ILDR1: variants seen among roughly 807,000 people sequenced by gnomAD.
The protein encoded by ILDR1 is immunoglobulin-like domain-containing receptor 1.
ILDR1 carries 56 observed loss-of-function variants against 62.4 expected under a neutral mutation model. The observed-to-expected ratio is 0.90, with a 90% CI of 0.72 to 1.12. ILDR1 has a LOEUF of 1.12. ILDR1 is among the 50% of genes most tolerant of loss of function. The probability of loss-of-function intolerance (pLI) is 0.00; values close to 1 mark genes in which losing one functional copy is unlikely to be tolerated. For missense variants in ILDR1, 736 were observed against 710.6 expected (o/e 1.04, Z -0.41); for synonymous variants, 284 against 277.8 (o/e 1.02, Z -0.22).
At chr3:122,052,590 T>C in the ILDR1 span, among the ~76,000 whole-genome samples, 2 of 152,192 alleles carry the variant, frequency 1.3e-5, no homozygotes, top group Admixed American at 6.5e-5. Flanking sequence ...TGTTGTTGTT[T>C]TGAGACGGAG....
Position 121,994,318 on chromosome 3 carries a change from A to T in ILDR1, c.647-5T>A, listed in dbSNP as rs1304381655. 6.5e-7 allele frequency: 1 copy of T among 1,530,274 alleles called. No homozygotes were observed. The highest frequency in any genetic ancestry group is 2.5e-5 in the East Asian group (1 of 40,760). The allele number at this position is 1,530,274 out of a possible 1,614,324, so 94.8% of individuals were successfully genotyped here. A position where few individuals can be genotyped will look rare whatever the true frequency, so the allele number is the denominator to read the frequency against. On this transcript the variant is annotated splice_polypyrimidine_tract_variant and splice_region_variant and intron_variant, in intron 5 of 7. Coordinates refer to ENST00000344209, the MANE Select transcript of ILDR1 (RefSeq NM_001199799.2). ...TGTAGCGGTGGCGGGCCAGGGCTGC[A>T]GGGAAAGAAGGAGAAATGCAGGCCC...
Position 122,022,050 on chromosome 3 carries a change from A to T in ILDR1, c.28T>A (p.Trp10Arg). The T allele has an allele frequency of 1.2e-6, 2 of 1,611,588 alleles. No homozygotes were observed. The highest frequency in any genetic ancestry group is 2.2e-5 in the East Asian group (1 of 44,814). ...GGGAGCCAGGTGCAGAGCAGCAGCC[A>T]AGGTGCGGGCAGTTTGGGCCATGCC... Reference protein sequence around the residue: MAWPKLPAPWLLLCTWLPAG... With the variant: MAWPKLPAPRLLLCTWLPAG... Residue 10 changes from tryptophan to arginine, a missense_variant, in exon 1 of 8, where the codon TGG (tryptophan) becomes AGG (arginine). Transcript: ENST00000344209.
At chr3:122,022,320 C>CA (rs1342367027), upstream of ILDR1, 6 of 425,362 alleles carry the variant, frequency 1.4e-5, no homozygotes, top group African/African-American at 1.3e-4. Context: ...CTGCTCCGCC[C>CA]CCGCCTCCCG....
chr3:121,990,106 T>A (rs1343636235), intron 7 of ILDR1, among the ~76,000 whole-genome samples: 1 of 152,120 alleles, frequency 6.6e-6, no homozygotes, highest in East Asian at 1.9e-4. Context: ...AGAGGCCCAA[T>A]TGTATTAGGA....
At chr3:122,012,485 T>G (rs2071718709) in intron 1 of ILDR1, among the ~76,000 whole-genome samples, 1 of 152,196 alleles carries the variant, frequency 6.6e-6, no homozygotes, top group South Asian at 2.1e-4. Context: ...AACAGCTGAA[T>G]GGTAATGTAA....
At chr3:122,015,503 G>C (rs1576735042) in intron 1 of ILDR1, among the ~76,000 whole-genome samples, 2 of 152,056 alleles carry the variant, frequency 1.3e-5, no homozygotes, top group African/African-American at 4.8e-5. Context: ...TGAATCTTGG[G>C]GTGGTTTCCC....
Position 122,001,434 on chromosome 3 carries a change from TGAA to T in ILDR1, c.517_519del (p.Phe173del), listed in dbSNP as rs765141910. The T allele has an allele frequency of 1.2e-6, 2 of 1,614,064 alleles. No homozygotes were observed. The highest frequency in any genetic ancestry group is 1.1e-5 in the South Asian group (1 of 91,080). ...AGGAGGAGGAGGGCTCCCAGGATGA[TGAA>T]GATCACTGTCAGCCAGTCTGCAGGG... On this transcript the variant is annotated inframe_deletion, in exon 5 of 8. Transcript: ENST00000344209.
the ILDR1 span, among the ~76,000 whole-genome samples, chr3:122,040,653 A>G: frequency 6.6e-6 from 1 of 151,486 alleles, no homozygotes; most frequent in African/African-American, 2.4e-5. Flanking sequence ...TTGACAAAGG[A>G]GCAAATGGTA....
the ILDR1 span, among the ~76,000 whole-genome samples, chr3:122,039,613 A>G: frequency 6.6e-6 from 1 of 152,112 alleles, no homozygotes; most frequent in Non-Finnish European, 1.5e-5. Context: ...GCCAGCAGAC[A>G]TACACTGCAA....
chr3:122,061,132 G>C, the ILDR1 span, among the ~76,000 whole-genome samples: 8 of 152,172 alleles, frequency 5.3e-5, no homozygotes, highest in African/African-American at 1.4e-4. Context: ...ATTTGGTTAA[G>C]TGAACCAATT....
chr3:122,041,468 G>C, the ILDR1 span, among the ~76,000 whole-genome samples: 5 of 152,198 alleles, frequency 3.3e-5, no homozygotes, highest in Non-Finnish European at 7.3e-5. Flanking sequence ...GTGAAGCCAT[G>C]AGAAATAAAT....
intron 5 of ILDR1, among the ~76,000 whole-genome samples, 191 bp from the exon 6 acceptor site, chr3:121,994,504 T>C (rs1201784239): frequency 1.3e-5 from 2 of 152,240 alleles, no homozygotes; most frequent in African/African-American, 4.8e-5. Flanking sequence ...GGAATTAAAT[T>C]ATCTTCAAGA....
In ILDR1 at chr3:122,005,936, CAAAA is replaced by C. The variant is rs111865165; in HGVS notation, c.230-547_230-544del. The stretch of plus-strand genomic sequence containing the variant: ...AAAAACAAAAACAAAAACAAACAAA[CAAAA>C]AAAAAACCAAAACAGAAAATATAGG... On this transcript the variant is annotated intron_variant, in intron 2 of 7. Transcript: ENST00000344209. 7.3e-3 allele frequency among the ~76,000 whole-genome samples: 1,093 copies of C among 149,226 alleles called. 13 individuals carry two copies. The highest frequency in any genetic ancestry group is 0.025 in the African/African-American group (1,010 of 40,792).
At chr3:122,045,595 G>A in the ILDR1 span, among the ~76,000 whole-genome samples, 2 of 149,504 alleles carry the variant, frequency 1.3e-5, no homozygotes, top group African/African-American at 4.9e-5. Flanking sequence ...TATGAATCTG[G>A]GTGCTCCTGT....
chr3:122,045,065 A>G, the ILDR1 span, among the ~76,000 whole-genome samples: 1 of 151,514 alleles, frequency 6.6e-6, no homozygotes, highest in Non-Finnish European at 1.5e-5. Context: ...AGTGCTATAA[A>G]TTTCCCTCTA....
At chr3:122,057,757 C>G in the ILDR1 span, among the ~76,000 whole-genome samples, 1 of 152,150 alleles carries the variant, frequency 6.6e-6, no homozygotes, top group Non-Finnish European at 1.5e-5. Flanking sequence ...TCAAAATACA[C>G]CCACTCTACC....
At chr3:122,026,751 T>C (rs1038023413), upstream of ILDR1, among the ~76,000 whole-genome samples, 1 of 152,154 alleles carries the variant, frequency 6.6e-6, no homozygotes, top group African/African-American at 2.4e-5. Flanking sequence ...TGGTGGAAGC[T>C]AATGAAAGGG....
the ILDR1 span, among the ~76,000 whole-genome samples, chr3:122,041,168 C>T: frequency 6.6e-6 from 1 of 152,132 alleles, no homozygotes; most frequent in African/African-American, 2.4e-5. Flanking sequence ...AATGTATCCC[C>T]CCAAAAGCCA....
intron 3 of ILDR1, among the ~76,000 whole-genome samples, chr3:122,003,567 T>G (rs1393923602): frequency 6.6e-6 from 1 of 152,120 alleles, no homozygotes; most frequent in Non-Finnish European, 1.5e-5. Context: ...TTAAAGGATC[T>G]AAGGACTGAT....
Sources: gnomAD v4.1 joint callset for allele counts (sites outside exome capture counted in the v4.1 genomes callset) on GRCh38, gnomAD v4.1.1 for gene constraint, MANE v1.5 for transcripts, NCBI Gene and HGNC (gene_info 2026-07-23, HGNC 2026-07-21) for gene names.